TRAPPC10: variants seen among roughly 807,000 people sequenced by gnomAD.
The protein encoded by TRAPPC10 is TRAPP 130 kDa subunit.
A neutral mutation model predicts 125.5 loss-of-function variants in TRAPPC10; 23 were observed. The observed-to-expected ratio is 0.18, with a 90% CI of 0.13 to 0.26. TRAPPC10 has a LOEUF of 0.26. Ranked by LOEUF, TRAPPC10 falls within the 10% of genes least tolerant of loss-of-function variation. The pLI is 1.00. For missense variants in TRAPPC10, 1,123 were observed against 1,308.4 expected, an observed-to-expected ratio of 0.86 and a Z score of 2.19; for synonymous variants, 509 against 518.0, an observed-to-expected ratio of 0.98 and a Z score of 0.24.
rs2036238736 is a variant in TRAPPC10, at chr21:44,063,945, C to T, written c.1038+160C>T. ...ATATTGTTTGCTTAGTTACTTTTTA[C>T]GTTGATAAATTGCTCAAAAATAGAA... On this transcript the variant is annotated intron_variant, in intron 7 of 22. Transcript: ENST00000291574. This position sits in a 1 kb window ranked among gnomAD's most constrained non-coding sequence, Gnocchi z 4.4. Among the ~76,000 whole-genome samples, 7 of 152,160 alleles carry T rather than the reference C, an allele frequency of 4.6e-5. No individual in the cohort carries two copies. The South Asian group carries it at 1.0e-3, about 22-fold the overall frequency.
intron 7 of TRAPPC10, 126 bp from the exon 8 acceptor site, chr21:44,074,198 A>C: frequency 8.9e-7 from 1 of 1,129,218 alleles, no homozygotes; most frequent in Non-Finnish European, 1.3e-6. Flanking sequence ...ATATCACAGA[A>C]CTGTTAGATG....
intron 20 of TRAPPC10, among the ~76,000 whole-genome samples, chr21:44,094,854 T>G (rs1035064822): frequency 1.3e-5 from 2 of 152,178 alleles, no homozygotes; most frequent in Non-Finnish European, 2.9e-5. Context: ...ACAATGTTTA[T>G]TTGAAGTGTT....
intron 5 of TRAPPC10, among the ~76,000 whole-genome samples, chr21:44,057,289 T>TTCTC (rs374885797): frequency 6.6e-6 from 1 of 151,530 alleles, no homozygotes; most frequent in Admixed American, 6.6e-5. Context: ...AGCTGTAGTC[T>TTCTC]TCTCTCTCTC....
At chr21:44,070,450 G>A (rs949413587) in intron 7 of TRAPPC10, among the ~76,000 whole-genome samples, 1 of 152,258 alleles carries the variant, frequency 6.6e-6, no homozygotes, top group Non-Finnish European at 1.5e-5. Context: ...CGGTTCCAGA[G>A]TGAGGTGACC....
chr21:44,050,510 C>T (rs1354844902), intron 3 of TRAPPC10, among the ~76,000 whole-genome samples: 1 of 152,096 alleles, frequency 6.6e-6, no homozygotes, highest in African/African-American at 2.4e-5. Flanking sequence ...TGGGGTCAGC[C>T]GGGTGCTATG....
At chr21:44,052,506 G>A in intron 4 of TRAPPC10, 30 bp downstream of exon 4, 2 of 1,563,672 alleles carry the variant, frequency 1.3e-6, no homozygotes, top group South Asian at 1.2e-5. Flanking sequence ...TACCTCATTT[G>A]GTTAATACTT....
chr21:44,062,327 T>A (rs750504706), intron 6 of TRAPPC10, among the ~76,000 whole-genome samples: 1 of 152,208 alleles, frequency 6.6e-6, no homozygotes, highest in South Asian at 2.1e-4. Context: ...CCTTTTTTTA[T>A]GATGCTTACA....
rs569789659 is a variant in TRAPPC10 at position 44,063,261 on chromosome 21, T to C, written c.791-277T>C. On this transcript the variant is annotated intron_variant, in intron 6 of 22. Coordinates refer to ENST00000291574, the MANE Select transcript of TRAPPC10 (RefSeq NM_003274.5). The surrounding 1 kb of genome is among the most constrained non-coding windows in gnomAD (Gnocchi z 4.4). ...CCTGAGCTCCCCTAACCATGTAGCC[T>C]GTCTGTCTCTGGGTGACTTCCCAAC... 140 of 1,250,632 alleles carry C rather than the reference T, an allele frequency of 1.1e-4. 1 individual carries two copies. The highest frequency in any genetic ancestry group is 6.5e-4 in the Middle Eastern group (2 of 3,084). The allele number at this position is 1,250,632 out of a possible 1,614,324, so 77.5% of individuals were successfully genotyped here.
At chr21:44,067,041 T>C (rs1156614148) in intron 7 of TRAPPC10, among the ~76,000 whole-genome samples, 1 of 152,226 alleles carries the variant, frequency 6.6e-6, no homozygotes, top group Admixed American at 6.5e-5. Context: ...GTTTGGAATG[T>C]GTTTCATTCA....
At chr21:44,088,664 C>T (rs1321654523) in intron 17 of TRAPPC10, 6 of 155,408 alleles carry the variant, frequency 3.9e-5, no homozygotes, top group Non-Finnish European at 7.1e-5. Flanking sequence ...AGACGTTCAC[C>T]ATTCACGAAG....
chr21:44,017,329 A>T (rs573374719), intron 1 of TRAPPC10, among the ~76,000 whole-genome samples: 1 of 152,322 alleles, frequency 6.6e-6, no homozygotes, highest in African/African-American at 2.4e-5. Context: ...ACAGACCCTT[A>T]GCTGTGAAAC....
chr21:44,025,826 GTGTGTGTGT>G lies in TRAPPC10; in HGVS notation c.68-6264_68-6256del, dbSNP rs2032997716. Among the ~76,000 whole-genome samples the G allele has an allele frequency of 5.7e-3, 15 of 2,628 alleles. No individual in the cohort carries two copies. In the East Asian group the frequency reaches 0.15, roughly 26 times the overall value. The allele number at this position is 2,628 out of a possible 152,430, so 1.7% of individuals were successfully genotyped here. A position where few individuals can be genotyped will look rare whatever the true frequency, so the allele number is the denominator to read the frequency against. On this transcript the variant is annotated intron_variant, in intron 1 of 22. Transcript: ENST00000291574. ...AGAGAGCAGCAGAGGGCAGGGGTGT[GTGTGTGTGT>G]GTGTGTGTGTGTGTGTGTGTGTGTG...
At chr21:44,055,478 C>T (rs1309729240) in intron 4 of TRAPPC10, among the ~76,000 whole-genome samples, 2 of 151,568 alleles carry the variant, frequency 1.3e-5, no homozygotes, top group East Asian at 3.9e-4. Flanking sequence ...GTGATCCCAG[C>T]TACTGGGGAG....
chr21:44,024,308 C>G (rs907275449), intron 1 of TRAPPC10, among the ~76,000 whole-genome samples: 2 of 152,202 alleles, frequency 1.3e-5, no homozygotes, highest in Admixed American at 6.5e-5. Flanking sequence ...TGTGGACACA[C>G]AGATGGCTGG....
intron 6 of TRAPPC10, chr21:44,062,513 ATGTGGGAGTGCCCCGTGAGAATCC>A (rs1420026663): frequency 1.0e-6 from 1 of 984,172 alleles, no homozygotes; most frequent in African/African-American, 1.7e-5. Context: ...CCTGACTGAA[ATGTGGGAGTGCCCCGTGAGAATCC>A]TGTGGGAGGG....
At position 44,063,652 on chromosome 21, in the gene TRAPPC10, C is replaced by G; in HGVS notation, c.905C>G (p.Thr302Ser). 1 of 1,614,196 alleles carries G rather than the reference C, an allele frequency of 6.2e-7. No individual in the cohort carries two copies. Residue 302 changes from threonine (T) to serine (S), a missense_variant, in exon 7 of 23, where the codon ACC becomes AGC. Thr to Ser is a moderately conservative substitution (Grantham distance 58). Coordinates refer to ENST00000291574, the MANE Select transcript of TRAPPC10 (RefSeq NM_003274.5). This position sits in a 1 kb window ranked among gnomAD's most constrained non-coding sequence, Gnocchi z 4.4. ...KRESIQRREA[T>S]LLDLRSYLFS... is the part of the protein sequence containing the mutation. The stretch of plus-strand genomic sequence containing the variant: ...GAATCGATCCAGAGGCGAGAAGCCA[C>G]CCTGTTAGATCTGCGCAGTTACCTG...
rs754746782 is a variant in TRAPPC10, at chr21:44,094,184, C to T, written c.3119C>T (p.Ser1040Phe). 6.2e-7 allele frequency: 1 copy of T among 1,614,178 alleles called. No homozygotes were observed. Among genetic ancestry groups the T allele is most frequent in the South Asian group, 1.1e-5 (1 of 91,084 alleles). The change falls in exon 20 of 23, where the codon TCT becomes TTT. Residue 1040 changes from serine (S) to phenylalanine (F), a missense_variant. By Grantham distance (155) the Ser-to-Phe change is radical. Transcript: ENST00000291574. ...GFSPASEEQL[S>F]ISLKPYTYEF... ...TCCCCAGCTTCTGAGGAACAGCTGT[C>T]TATCTCCTTAAAGCCGTATACTTAT...
intron 1 of TRAPPC10, among the ~76,000 whole-genome samples, chr21:44,013,817 T>C (rs1355901725): frequency 6.6e-6 from 1 of 152,250 alleles, no homozygotes; most frequent in Non-Finnish European, 1.5e-5. Flanking sequence ...ACTTGCATAG[T>C]TCAGCAGTAG....
At chr21:44,089,403 A>G in intron 17 of TRAPPC10, 2 of 380,174 alleles carry the variant, frequency 5.3e-6, no homozygotes, top group South Asian at 3.7e-5. Flanking sequence ...ATGCTTAGAT[A>G]ATTCATTAAC....
Sources: allele counts gnomAD v4.1 joint callset (sites outside exome capture counted in the v4.1 genomes callset), GRCh38; gene constraint gnomAD v4.1.1; non-coding constraint Gnocchi (gnomAD v3.1); transcripts MANE v1.5; gene names NCBI Gene and HGNC (gene_info 2026-07-23, HGNC 2026-07-21).